The following LHFPL3 variants were observed in gnomAD, a reference collection of about 807,000 sequenced individuals.
LHFPL3 encodes LHFPL tetraspan subfamily member 3 protein.
Under a neutral mutation model 19.3 loss-of-function variants are expected in LHFPL3, and 5 were observed. The observed-to-expected ratio is 0.26, with a 90% CI of 0.14 to 0.54. The LOEUF (loss-of-function observed/expected upper bound fraction) is 0.54, where lower values mean the gene tolerates loss of function less well. Among genes scored for constraint, LHFPL3 ranks in the 20% least tolerant of loss-of-function variants. The pLI is 0.94. For missense variants in LHFPL3, 249 were observed against 307.4 expected, an observed-to-expected ratio of 0.81 and a Z score of 1.42; for synonymous variants, 133 against 126.2, an observed-to-expected ratio of 1.05 and a Z score of -0.36.
At chr7:104,776,481 G>T (rs1350832017) in intron 2 of LHFPL3, among the ~76,000 whole-genome samples, 10 of 152,132 alleles carry the variant, frequency 6.6e-5, no homozygotes, top group Admixed American at 5.9e-4. Flanking sequence ...TTTTACCAGT[G>T]GTTCTCACAT....
chr7:104,395,925 A>G (rs1791174460), intron 1 of LHFPL3, among the ~76,000 whole-genome samples: 3 of 152,204 alleles, frequency 2.0e-5, no homozygotes, highest in Non-Finnish European at 4.4e-5. Flanking sequence ...TTGGTTATAA[A>G]TGATAGAAAT....
intron 2 of LHFPL3, among the ~76,000 whole-genome samples, chr7:104,748,764 G>A (rs1241099333): frequency 6.6e-6 from 1 of 152,086 alleles, no homozygotes; most frequent in Non-Finnish European, 1.5e-5. Flanking sequence ...TATGCTGAAC[G>A]CTGGTTCCCC....
In LHFPL3 at chr7:104,499,831, C is replaced by T. The variant is rs78605220; in HGVS notation, c.445+170607C>T. On this transcript the variant is annotated intron_variant, in intron 1 of 2. Coordinates refer to ENST00000424859, the MANE Select transcript of LHFPL3 (RefSeq NM_199000.3). ...TATATAGAACTTGGTAATTTGCTTG[C>T]TTTAAAAGATTCCATTTATTTCAGT... Among the ~76,000 whole-genome samples, 670 of 152,222 alleles carry T rather than the reference C, an allele frequency of 4.4e-3. 4 individuals carry two copies. The highest frequency in any genetic ancestry group is 0.015 in the African/African-American group (611 of 41,536).
intron 1 of LHFPL3, among the ~76,000 whole-genome samples, chr7:104,597,251 G>T (rs575234095): frequency 6.6e-6 from 1 of 152,022 alleles, no homozygotes; most frequent in African/African-American, 2.4e-5. Flanking sequence ...TCTTTCTTTT[G>T]CATATTACTT....
intron 1 of LHFPL3, among the ~76,000 whole-genome samples, chr7:104,625,775 T>A (rs988407284): frequency 1.2e-4 from 18 of 152,202 alleles, no homozygotes; most frequent in African/African-American, 4.3e-4. Flanking sequence ...GAGAAATTTT[T>A]ACGAATTTTT....
intron 2 of LHFPL3, among the ~76,000 whole-genome samples, chr7:104,830,624 T>C (rs2116556489): frequency 6.6e-6 from 1 of 152,104 alleles, no homozygotes; most frequent in Middle Eastern, 3.4e-3. Context: ...CTCAGGTTTG[T>C]CAAAGATCAG....
chr7:104,678,258 T>C (rs1324087747), intron 1 of LHFPL3, among the ~76,000 whole-genome samples: 1 of 152,198 alleles, frequency 6.6e-6, no homozygotes, highest in African/African-American at 2.4e-5. Flanking sequence ...TTCTGAGCCC[T>C]GGTAAAGAGA....
At chr7:104,674,926 A>G (rs529067864) in intron 1 of LHFPL3, among the ~76,000 whole-genome samples, 14 of 152,264 alleles carry the variant, frequency 9.2e-5, no homozygotes, top group Non-Finnish European at 1.5e-4. Context: ...TCACAAGAAA[A>G]GAAATACAGA....
rs181666232 is a variant in LHFPL3 at position 104,709,096 on chromosome 7, A to G, written c.446-27579A>G. Among the ~76,000 whole-genome samples, 22 of 152,242 alleles carry G rather than the reference A, an allele frequency of 1.4e-4. No individual in the cohort carries two copies. The East Asian group carries it at 3.9e-3, about 27-fold the overall frequency. ...ATTGCTCTAAAGTTCAACAACAACA[A>G]CAAGGAAAATCAGTGGAGTCCCTGC... On this transcript the variant is annotated intron_variant, in intron 1 of 2. Coordinates refer to ENST00000424859, the MANE Select transcript of LHFPL3 (RefSeq NM_199000.3).
Position 104,830,435 on chromosome 7 carries a change from G to A in LHFPL3, c.683-75752G>A, listed in dbSNP as rs184641145. On this transcript the variant is annotated intron_variant, in intron 2 of 2. Transcript: ENST00000424859. Reference sequence around the variant, plus strand: ...CCTATGTCCTGAATGGTATTGCCTAGGTTTGCTTCTAGGGTTTTTAATGGT... The same window carrying A: ...CCTATGTCCTGAATGGTATTGCCTAAGTTTGCTTCTAGGGTTTTTAATGGT... 1.7e-3 allele frequency among the ~76,000 whole-genome samples: 256 copies of A among 151,984 alleles called. 9 individuals carry two copies. The highest frequency in any genetic ancestry group is 6.0e-3 in the African/African-American group (246 of 41,286).
chr7:104,340,551 G>T (rs1424051446), intron 1 of LHFPL3, among the ~76,000 whole-genome samples: 1 of 152,104 alleles, frequency 6.6e-6, no homozygotes, highest in East Asian at 1.9e-4. Context: ...CCAGAGGCAT[G>T]GTTAGTGTTT....
chr7:104,422,087 G>A (rs1224528210), intron 1 of LHFPL3, among the ~76,000 whole-genome samples: 1 of 152,200 alleles, frequency 6.6e-6, no homozygotes, highest in East Asian at 1.9e-4. Context: ...CAGGCCGGGT[G>A]CAGTGGCTCA....
chr7:104,531,046 A>G (rs1225647460), intron 1 of LHFPL3, among the ~76,000 whole-genome samples: 1 of 152,214 alleles, frequency 6.6e-6, no homozygotes, highest in African/African-American at 2.4e-5. Context: ...GAAAGTTGGA[A>G]CAGGGCCTGG....
intron 1 of LHFPL3, among the ~76,000 whole-genome samples, chr7:104,642,626 T>C (rs1463272618): frequency 6.6e-6 from 1 of 152,206 alleles, no homozygotes; most frequent in African/African-American, 2.4e-5. Flanking sequence ...TCCTTATTAA[T>C]AAATGTAGAG....
At chr7:104,810,288 C>T (rs2116498983) in intron 2 of LHFPL3, among the ~76,000 whole-genome samples, 1 of 152,156 alleles carries the variant, frequency 6.6e-6, no homozygotes, top group Non-Finnish European at 1.5e-5. Flanking sequence ...GGGATTTAGG[C>T]AGGGTTGGCA....
Position 104,819,278 on chromosome 7 carries a change from T to TA in LHFPL3, c.682+82368dup, listed in dbSNP as rs1243130061. On this transcript the variant is annotated intron_variant, in intron 2 of 2. Transcript: ENST00000424859. The stretch of plus-strand genomic sequence containing the variant: ...ATCATCGCAATTAACATGTCACTAC[T>TA]AGGAATTCACCAGGGTTCACCAGTT... 4.6e-5 allele frequency among the ~76,000 whole-genome samples: 7 copies of TA among 151,938 alleles called. 1 individual carries two copies. The highest frequency in any genetic ancestry group is 1.7e-4 in the African/African-American group (7 of 41,424).
intron 2 of LHFPL3, among the ~76,000 whole-genome samples, chr7:104,874,803 C>T (rs1405891867): frequency 2.6e-5 from 4 of 151,966 alleles, no homozygotes; most frequent in African/African-American, 4.8e-5. Flanking sequence ...TCATTCATTG[C>T]TCCTAATCCC....
At chr7:104,526,283 C>T (rs78750579) in intron 1 of LHFPL3, among the ~76,000 whole-genome samples, 261 of 152,168 alleles carry the variant, frequency 1.7e-3, no homozygotes, top group African/African-American at 6.0e-3. Flanking sequence ...AGACACTAGC[C>T]AAATAAACAA....
At chr7:104,347,869 C>T (rs757546317) in intron 1 of LHFPL3, among the ~76,000 whole-genome samples, 3 of 148,158 alleles carry the variant, frequency 2.0e-5, no homozygotes, top group East Asian at 2.0e-4. Flanking sequence ...CTAGCCTGGG[C>T]GACAGAGCCA....
Sources: gnomAD v4.1 joint callset for allele counts (sites outside exome capture counted in the v4.1 genomes callset) on GRCh38, gnomAD v4.1.1 for gene constraint, MANE v1.5 for transcripts, NCBI Gene and HGNC (gene_info 2026-07-23, HGNC 2026-07-21) for gene names.